Variants in MAF observed in about 807,000 individuals in gnomAD.
MAF encodes the protein transcription factor Maf.
A neutral mutation model predicts 22.0 loss-of-function variants in MAF; 10 were observed. That is an observed-to-expected ratio of 0.45 (90% confidence interval 0.28 to 0.77). MAF has a LOEUF of 0.77. Ranked by LOEUF, MAF falls within the 30% of genes least tolerant of loss-of-function variation. The pLI, the probability that MAF is intolerant of heterozygous loss-of-function variation, is 0.12. For missense variants in MAF, 544 were observed against 548.4 expected, an observed-to-expected ratio of 0.99 and a Z score of 0.08; for synonymous variants, 337 against 255.8, an observed-to-expected ratio of 1.32 and a Z score of -3.03.
the MAF span, among the ~76,000 whole-genome samples, chr16:79,422,892 C>G: frequency 6.6e-6 from 1 of 152,068 alleles, no homozygotes; most frequent in Non-Finnish European, 1.5e-5. Context: ...CATGGAGAGA[C>G]AGATACTACT....
chr16:79,211,802 G>T, the MAF span: 8 of 1,614,080 alleles, frequency 5.0e-6, no homozygotes, highest in Admixed American at 1.7e-5. Flanking sequence ...GCTAAGTGGA[G>T]CTCAGAGCGG....
the MAF span, among the ~76,000 whole-genome samples, chr16:79,544,139 A>G: frequency 7.2e-5 from 11 of 152,094 alleles, no homozygotes. Flanking sequence ...GTGGGGGGGA[A>G]AGTTTGCACA....
chr16:79,401,338 C>T, the MAF span, among the ~76,000 whole-genome samples: 2 of 152,220 alleles, frequency 1.3e-5, no homozygotes, highest in African/African-American at 4.8e-5. Context: ...TTGCCATTCT[C>T]TCATGGAACT....
chr16:79,430,397 G>A, the MAF span, among the ~76,000 whole-genome samples: 1 of 152,164 alleles, frequency 6.6e-6, no homozygotes, highest in South Asian at 2.1e-4. Flanking sequence ...CACCTCGGAC[G>A]CTTTTGACAA....
At chr16:79,447,016 A>T in the MAF span, among the ~76,000 whole-genome samples, 1 of 152,194 alleles carries the variant, frequency 6.6e-6, no homozygotes, top group Non-Finnish European at 1.5e-5. Context: ...TAAATGTTCA[A>T]TATTATAAAT....
At chr16:79,392,970 C>T in the MAF span, among the ~76,000 whole-genome samples, 2 of 152,198 alleles carry the variant, frequency 1.3e-5, no homozygotes, top group South Asian at 2.1e-4. Flanking sequence ...GCCTTGGCAG[C>T]TCCTGCCGCC....
chr16:79,422,045 T>C, the MAF span, among the ~76,000 whole-genome samples: 1 of 152,210 alleles, frequency 6.6e-6, no homozygotes, highest in South Asian at 2.1e-4. Flanking sequence ...CCCAAAATGC[T>C]AGGATTACAG....
the MAF span, among the ~76,000 whole-genome samples, chr16:79,462,296 A>G: frequency 1.2e-4 from 18 of 152,288 alleles, no homozygotes; most frequent in South Asian, 2.3e-3. Context: ...TTTTTAGGTG[A>G]GGAAACTGAG....
chr16:79,525,565 C>A, the MAF span, among the ~76,000 whole-genome samples: 1 of 152,076 alleles, frequency 6.6e-6, no homozygotes, highest in African/African-American at 2.4e-5. Context: ...CATGTTAAAC[C>A]CTTAAGATCC....
the MAF span, among the ~76,000 whole-genome samples, chr16:79,258,592 T>A: frequency 6.6e-6 from 1 of 152,214 alleles, no homozygotes; most frequent in African/African-American, 2.4e-5. Flanking sequence ...ACTCAAGCCA[T>A]TTATCCCACT....
chr16:79,580,721 C>A, the MAF span, among the ~76,000 whole-genome samples: 1 of 152,024 alleles, frequency 6.6e-6, no homozygotes. Flanking sequence ...AGCCTCAAAC[C>A]TCCGAACCTG....
chr16:79,413,485 G>A, the MAF span, among the ~76,000 whole-genome samples: 1 of 150,338 alleles, frequency 6.7e-6, no homozygotes, highest in African/African-American at 2.4e-5. Context: ...CACCCGCCTC[G>A]GCCTCCCAAA....
chr16:79,436,406 G>A, the MAF span, among the ~76,000 whole-genome samples: 1 of 152,160 alleles, frequency 6.6e-6, no homozygotes. Flanking sequence ...TTTTAAAATA[G>A]GTCATTTTAA....
At chr16:79,288,089 T>G in the MAF span, among the ~76,000 whole-genome samples, 1 of 151,914 alleles carries the variant, frequency 6.6e-6, no homozygotes. Flanking sequence ...AGGAAGGCAT[T>G]GGAGGGAGGG....
chr16:79,335,083 G>A, the MAF span, among the ~76,000 whole-genome samples: 1 of 151,514 alleles, frequency 6.6e-6, no homozygotes, highest in Admixed American at 6.6e-5. Flanking sequence ...TACTCGGGAG[G>A]CTGAGGCAGG....
At chr16:79,534,315 C>G in the MAF span, among the ~76,000 whole-genome samples, 1 of 152,178 alleles carries the variant, frequency 6.6e-6, no homozygotes, top group Non-Finnish European at 1.5e-5. Flanking sequence ...CTCCTTCTAC[C>G]TCACCGCATT....
chr16:79,518,947 A>G, the MAF span, among the ~76,000 whole-genome samples: 6 of 152,166 alleles, frequency 3.9e-5, no homozygotes, highest in African/African-American at 1.2e-4. Context: ...AAATAAGTAA[A>G]TAAGCTTTAT....
At chr16:79,396,488 C>T in the MAF span, among the ~76,000 whole-genome samples, 1 of 152,188 alleles carries the variant, frequency 6.6e-6, no homozygotes, top group Non-Finnish European at 1.5e-5. Context: ...CTGGAAAAAG[C>T]CTCCTTGACC....
chr16:79,331,932 A>G, the MAF span, among the ~76,000 whole-genome samples: 1 of 152,146 alleles, frequency 6.6e-6, no homozygotes, highest in Admixed American at 6.5e-5. Flanking sequence ...TATCTCTATC[A>G]TTCACTCGAC....
Sources: gnomAD v4.1 joint callset for allele counts (sites outside exome capture counted in the v4.1 genomes callset) on GRCh38, gnomAD v4.1.1 for gene constraint, MANE v1.5 for transcripts, NCBI Gene and HGNC (gene_info 2026-07-23, HGNC 2026-07-21) for gene names.